Variants in RALYL observed in about 807,000 individuals in gnomAD.
RALYL encodes the protein RNA-binding Raly-like protein.
A neutral mutation model predicts 35.1 loss-of-function variants in RALYL; 29 were observed. The ratio of observed to expected loss-of-function variants is 0.83; its 90% CI spans 0.61 to 1.13. The LOEUF is 1.13. Among genes scored for constraint, RALYL ranks in the 50% most tolerant of loss-of-function variants. RALYL has a pLI of 0.00. For synonymous variants in RALYL, 120 were observed against 127.6 expected (o/e 0.94, Z 0.40); for missense variants, 359 against 360.4 (o/e 1.00, Z 0.03).
At chr8:84,611,686 C>G (rs761782163) in intron 2 of RALYL, among the ~76,000 whole-genome samples, 1 of 152,086 alleles carries the variant, frequency 6.6e-6, no homozygotes, top group Non-Finnish European at 1.5e-5. Flanking sequence ...GTTTGATTAA[C>G]GCAATAAATA....
At chr8:84,765,534 C>T (rs531601456) in intron 2 of RALYL, among the ~76,000 whole-genome samples, 7 of 152,220 alleles carry the variant, frequency 4.6e-5, no homozygotes, top group African/African-American at 1.7e-4. Context: ...TCTATATATA[C>T]GAAGTGGGAA....
At chr8:84,569,209 T>G (rs895262771) in intron 2 of RALYL, among the ~76,000 whole-genome samples, 3 of 152,072 alleles carry the variant, frequency 2.0e-5, no homozygotes, top group Admixed American at 6.6e-5. Flanking sequence ...TAATCTATCT[T>G]GAATTAATTT....
intron 1 of RALYL, among the ~76,000 whole-genome samples, chr8:84,502,215 CA>C (rs2056746593): frequency 6.6e-6 from 1 of 151,908 alleles, no homozygotes; most frequent in African/African-American, 2.4e-5. Context: ...ATAATCTTTA[CA>C]TATATGTGTG....
chr8:84,241,503 C>A lies in RALYL; in HGVS notation c.-24+57079C>A, dbSNP rs780351461. On this transcript the variant is annotated intron_variant, in intron 1 of 8. Coordinates refer to ENST00000521268, the MANE Select transcript of RALYL (RefSeq NM_173848.7). Reference sequence around the variant, plus strand: ...ACTAAAATCTGTATGGAGGGCCTGGCGCGGTGGCTCATGCCTGTAATCCCA... The same window carrying A: ...ACTAAAATCTGTATGGAGGGCCTGGAGCGGTGGCTCATGCCTGTAATCCCA... Among the ~76,000 whole-genome samples, 78 of 152,080 alleles carry A rather than the reference C, an allele frequency of 5.1e-4. 1 individual carries two copies. The highest frequency in any genetic ancestry group is 9.0e-4 in the Non-Finnish European group (61 of 67,966).
At chr8:84,441,285 A>G (rs148715364) in intron 1 of RALYL, among the ~76,000 whole-genome samples, 1 of 152,092 alleles carries the variant, frequency 6.6e-6, no homozygotes. Context: ...CTACAGATTC[A>G]AAAGTAAATA....
chr8:84,755,976 A>G (rs1005115231), intron 2 of RALYL, among the ~76,000 whole-genome samples: 1 of 152,106 alleles, frequency 6.6e-6, no homozygotes, highest in African/African-American at 2.4e-5. Flanking sequence ...AGCTGTGGTT[A>G]AGCTGATCTT....
At chr8:84,450,480 A>G (rs2049343827) in intron 1 of RALYL, among the ~76,000 whole-genome samples, 1 of 151,922 alleles carries the variant, frequency 6.6e-6, no homozygotes, top group Non-Finnish European at 1.5e-5. Flanking sequence ...TCTGATTGCT[A>G]ATTACCTCTT....
chr8:84,381,037 C>T (rs2131600943), intron 1 of RALYL, among the ~76,000 whole-genome samples: 1 of 151,918 alleles, frequency 6.6e-6, no homozygotes, highest in African/African-American at 2.4e-5. Context: ...GGACCCCAAA[C>T]ATTTATCATA....
chr8:84,519,196 G>A (rs1243200756), intron 1 of RALYL, among the ~76,000 whole-genome samples: 2 of 152,088 alleles, frequency 1.3e-5, no homozygotes, highest in African/African-American at 4.8e-5. Flanking sequence ...AGAAGAAGGT[G>A]AATATACAGT....
intron 2 of RALYL, among the ~76,000 whole-genome samples, chr8:84,654,513 C>T (rs919775474): frequency 1.3e-5 from 2 of 151,586 alleles, no homozygotes; most frequent in African/African-American, 4.8e-5. Context: ...TGTTGTGTTA[C>T]CAAATACTAG....
chr8:84,671,244 G>A lies in RALYL; in HGVS notation c.257-103335G>A, dbSNP rs935943058. 4.6e-5 allele frequency among the ~76,000 whole-genome samples: 7 copies of A among 152,300 alleles called. No homozygotes were observed. In the East Asian group the frequency reaches 1.4e-3, roughly 29 times the overall value. On this transcript the variant is annotated intron_variant, in intron 2 of 8. Transcript: ENST00000521268. ...AGTCTTGGCCAGCTCTGTCTCTGTGGCTTTGCGGGATACAGCCCTCCCTGC... is the reference window on the plus strand; with the variant it reads ...AGTCTTGGCCAGCTCTGTCTCTGTGACTTTGCGGGATACAGCCCTCCCTGC...
At chr8:84,802,704 G>T (rs1375035367) in intron 3 of RALYL, among the ~76,000 whole-genome samples, 1 of 152,172 alleles carries the variant, frequency 6.6e-6, no homozygotes, top group Non-Finnish European at 1.5e-5. Context: ...AAAGTGGTGG[G>T]CTTTGCTTTT....
intron 1 of RALYL, among the ~76,000 whole-genome samples, chr8:84,342,296 A>ATATATATATATATATATCTAT (rs1554626164): frequency 8.4e-6 from 1 of 119,210 alleles, no homozygotes. Flanking sequence ...ATATATATAT[A>ATATATATATATATATATCTAT]AAACTCAAAA....
At chr8:84,766,896 A>C (rs955464241) in intron 2 of RALYL, among the ~76,000 whole-genome samples, 1 of 152,090 alleles carries the variant, frequency 6.6e-6, no homozygotes, top group African/African-American at 2.4e-5. Context: ...TTGCATAAAC[A>C]ACAGTGCGTG....
chr8:84,764,326 G>C (rs937216152), intron 2 of RALYL, among the ~76,000 whole-genome samples: 1 of 152,054 alleles, frequency 6.6e-6, no homozygotes, highest in African/African-American at 2.4e-5. Flanking sequence ...GCATGGCACC[G>C]GGCATATGTT....
chr8:84,325,233 T>C (rs1024641827), intron 1 of RALYL, among the ~76,000 whole-genome samples: 6 of 152,184 alleles, frequency 3.9e-5, no homozygotes, highest in Non-Finnish European at 7.4e-5. Context: ...TCAGGAAATA[T>C]ATCTCCTTTA....
chr8:84,408,164 T>A (rs2043742587), intron 1 of RALYL, among the ~76,000 whole-genome samples: 1 of 152,146 alleles, frequency 6.6e-6, no homozygotes, highest in Non-Finnish European at 1.5e-5. Flanking sequence ...GTCATCCACA[T>A]GGGATTAAAA....
chr8:84,289,751 C>G (rs1043809486), intron 1 of RALYL, among the ~76,000 whole-genome samples: 6 of 152,052 alleles, frequency 3.9e-5, no homozygotes, highest in Non-Finnish European at 7.4e-5. Context: ...TTTTCCAGGA[C>G]TTGCCATTTT....
intron 2 of RALYL, among the ~76,000 whole-genome samples, chr8:84,595,155 G>T (rs1216982319): frequency 6.6e-6 from 1 of 152,052 alleles, no homozygotes; most frequent in Non-Finnish European, 1.5e-5. Flanking sequence ...TGGGCACGGG[G>T]CAGGAACTCC....
Sources: allele counts gnomAD v4.1 joint callset (sites outside exome capture counted in the v4.1 genomes callset), GRCh38; gene constraint gnomAD v4.1.1; transcripts MANE v1.5; gene names NCBI Gene and HGNC (gene_info 2026-07-23, HGNC 2026-07-21).